The following CLYBL variants were observed in gnomAD, a reference collection of about 807,000 sequenced individuals.
The protein encoded by CLYBL is citramalyl-CoA lyase, mitochondrial.
In CLYBL, 31 loss-of-function variants were observed where a neutral mutation model predicts 38.9. The ratio of observed to expected loss-of-function variants is 0.80; its 90% CI spans 0.60 to 1.08. The LOEUF (loss-of-function observed/expected upper bound fraction) is 1.08. Among genes scored for constraint, CLYBL ranks in the 50% least tolerant of loss-of-function variants. The pLI, the probability that CLYBL is intolerant of heterozygous loss-of-function variation, is 0.00. For missense variants in CLYBL, 434 were observed against 411.6 expected (o/e 1.05, Z -0.47); for synonymous variants, 171 against 158.6 (o/e 1.08, Z -0.59).
intron 7 of CLYBL, among the ~76,000 whole-genome samples, chr13:99,879,258 G>A (rs1227896410): frequency 6.6e-6 from 1 of 152,104 alleles, no homozygotes; most frequent in East Asian, 1.9e-4. Context: ...CATTTATTTA[G>A]CTAAAGCTAA....
intron 2 of CLYBL, among the ~76,000 whole-genome samples, chr13:99,822,710 G>A (rs899916542): frequency 3.3e-5 from 5 of 152,214 alleles, no homozygotes; most frequent in African/African-American, 9.6e-5. Context: ...GTGCCCCAAA[G>A]TGTTGAGGAA....
At chr13:99,835,711 A>G (rs941150656) in intron 2 of CLYBL, among the ~76,000 whole-genome samples, 2 of 152,200 alleles carry the variant, frequency 1.3e-5, no homozygotes, top group Admixed American at 6.5e-5. Flanking sequence ...CCCAGGACCT[A>G]GAACAGTGCC....
At chr13:99,734,106 T>G (rs144392541) in intron 1 of CLYBL, among the ~76,000 whole-genome samples, 19 of 152,198 alleles carry the variant, frequency 1.2e-4, no homozygotes, top group Non-Finnish European at 2.2e-4. Flanking sequence ...TAGTGGGATT[T>G]CTGATTCATT....
chr13:99,654,485 A>G (rs2047300127), intron 1 of CLYBL, among the ~76,000 whole-genome samples: 1 of 152,118 alleles, frequency 6.6e-6, no homozygotes, highest in African/African-American at 2.4e-5. Flanking sequence ...TTCTTCTCCC[A>G]AGTCTTCTCT....
chr13:99,898,931 C>T (rs75017939), downstream of CLYBL, among the ~76,000 whole-genome samples: 164 of 152,294 alleles, frequency 1.1e-3, no homozygotes, highest in Non-Finnish European at 1.8e-3. Context: ...CTCCTGCTCT[C>T]GCCTCTCATC....
At chr13:99,800,141 C>T (rs2138934891) in intron 2 of CLYBL, among the ~76,000 whole-genome samples, 1 of 152,332 alleles carries the variant, frequency 6.6e-6, no homozygotes, top group East Asian at 1.9e-4. Context: ...CCTTGCCTCC[C>T]AATTCCTTCT....
chr13:99,756,126 C>G (rs1263646531), intron 1 of CLYBL, among the ~76,000 whole-genome samples: 1 of 152,192 alleles, frequency 6.6e-6, no homozygotes, highest in African/African-American at 2.4e-5. Context: ...CTCACCCCTG[C>G]ACTTCTACAA....
At chr13:99,619,314 A>G (rs2046760127) in intron 1 of CLYBL, among the ~76,000 whole-genome samples, 1 of 152,198 alleles carries the variant, frequency 6.6e-6, no homozygotes, top group African/African-American at 2.4e-5. Flanking sequence ...ATAAGGCGCC[A>G]TATTGGAAGC....
At chr13:99,720,104 A>C (rs970030104) in intron 1 of CLYBL, among the ~76,000 whole-genome samples, 28 of 149,390 alleles carry the variant, frequency 1.9e-4, no homozygotes, top group African/African-American at 6.6e-4. Context: ...ATTTTTTTTA[A>C]GTTTTATTTA....
intron 1 of CLYBL, among the ~76,000 whole-genome samples, chr13:99,656,767 CTTAAAA>C (rs1456970058): frequency 6.6e-6 from 1 of 152,112 alleles, no homozygotes; most frequent in Non-Finnish European, 1.5e-5. Context: ...TTGTAAGATA[CTTAAAA>C]TTAATGAGTT....
chr13:99,846,242 G>A (rs891638733), intron 2 of CLYBL, among the ~76,000 whole-genome samples: 7 of 149,218 alleles, frequency 4.7e-5, no homozygotes, highest in African/African-American at 1.5e-4. Flanking sequence ...CCAACATTAC[G>A]AATGTTGATG....
intron 7 of CLYBL, among the ~76,000 whole-genome samples, chr13:99,871,348 C>T (rs934043149): frequency 2.6e-5 from 4 of 152,118 alleles, no homozygotes; most frequent in African/African-American, 9.7e-5. Flanking sequence ...TTTTTCTCTA[C>T]AGACTTCTAT....
At chr13:99,654,874 G>A (rs1385753212) in intron 1 of CLYBL, among the ~76,000 whole-genome samples, 1 of 151,690 alleles carries the variant, frequency 6.6e-6, no homozygotes, top group East Asian at 2.0e-4. Flanking sequence ...GCATGGTGGC[G>A]GGCGCCTGTA....
chr13:99,656,786 T>C (rs2047336992), intron 1 of CLYBL, among the ~76,000 whole-genome samples: 1 of 152,196 alleles, frequency 6.6e-6, no homozygotes, highest in Admixed American at 6.5e-5. Flanking sequence ...AATGAGTTGT[T>C]TTATCAAATC....
chr13:99,864,267 C>T (rs141202320), intron 4 of CLYBL, among the ~76,000 whole-genome samples: 15 of 152,262 alleles, frequency 9.9e-5, no homozygotes, highest in African/African-American at 2.6e-4. Flanking sequence ...GTTATGTCTA[C>T]GACGAATGGT....
At chr13:99,786,554 G>C (rs1464568174) in intron 2 of CLYBL, among the ~76,000 whole-genome samples, 1 of 152,090 alleles carries the variant, frequency 6.6e-6, no homozygotes, top group Non-Finnish European at 1.5e-5. Flanking sequence ...TTTTATGGCT[G>C]CATAGTATTC....
intron 1 of CLYBL, among the ~76,000 whole-genome samples, chr13:99,713,894 C>T (rs959293178): frequency 6.6e-6 from 1 of 151,958 alleles, no homozygotes; most frequent in Non-Finnish European, 1.5e-5. Flanking sequence ...TCGCTATGTG[C>T]CCAGGTTGGT....
chr13:99,733,891 G>A (rs974768416), intron 1 of CLYBL, among the ~76,000 whole-genome samples: 8 of 152,190 alleles, frequency 5.3e-5, no homozygotes, highest in Non-Finnish European at 8.8e-5. Context: ...TGACTGCAGC[G>A]TAACCCCAAA....
chr13:99,694,944 C>T (rs1010074186), intron 1 of CLYBL, among the ~76,000 whole-genome samples: 1 of 152,068 alleles, frequency 6.6e-6, no homozygotes, highest in African/African-American at 2.4e-5. Context: ...TTTTTCTGCC[C>T]TGTAGGGATG....
Sources: allele counts gnomAD v4.1 joint callset (sites outside exome capture counted in the v4.1 genomes callset), GRCh38; gene constraint gnomAD v4.1.1; transcripts MANE v1.5; gene names NCBI Gene and HGNC (gene_info 2026-07-23, HGNC 2026-07-21).